Variants in DLGAP2 observed in about 807,000 individuals in gnomAD.
The protein encoded by DLGAP2 is disks large-associated protein 2.
Under a neutral mutation model 100.3 loss-of-function variants are expected in DLGAP2, and 26 were observed. That is an observed-to-expected ratio of 0.26 (90% CI 0.19 to 0.36). The LOEUF is 0.36. DLGAP2 is among the 10% of genes least tolerant of loss of function. DLGAP2 has a pLI of 1.00. For missense variants in DLGAP2, 1,858 were observed against 1,453.2 expected (o/e 1.28, Z -4.53); for synonymous variants, 886 against 630.1 (o/e 1.41, Z -6.08).
chr8:1,010,508 G>A (rs1801249960), intron 2 of DLGAP2, among the ~76,000 whole-genome samples: 1 of 152,194 alleles, frequency 6.6e-6, no homozygotes, highest in Non-Finnish European at 1.5e-5. Context: ...CCACATATGG[G>A]CACACATACG....
chr8:1,294,868 C>CAAAA (rs1167753590), intron 3 of DLGAP2, among the ~76,000 whole-genome samples: 1 of 130,216 alleles, frequency 7.7e-6, no homozygotes. Flanking sequence ...GATCTTGTCT[C>CAAAA]AAAACAAAAA....
chr8:805,048 G>A (rs575916786), intron 1 of DLGAP2, among the ~76,000 whole-genome samples: 22 of 152,188 alleles, frequency 1.4e-4, no homozygotes, highest in Non-Finnish European at 3.2e-4. Context: ...TGGGATTATA[G>A]GCGTGAGCTA....
chr8:1,180,572 G>A (rs186330741), intron 2 of DLGAP2, among the ~76,000 whole-genome samples: 4 of 150,554 alleles, frequency 2.7e-5, no homozygotes, highest in African/African-American at 9.7e-5. Flanking sequence ...CACACATCGT[G>A]TGCAATGGCA....
rs751684188 is a variant in DLGAP2, at chr8:1,676,521, C to T, written c.2203-12C>T. On this transcript the variant is annotated splice_polypyrimidine_tract_variant and intron_variant, in intron 10 of 14. Coordinates refer to ENST00000637795, the MANE Select transcript of DLGAP2 (RefSeq NM_001346810.2). ...TTTCAGTTCTAAAATAAGACGTTCT[C>T]TGTTGAATTAGGTGGAAACGGCCAC... The T allele has an allele frequency of 6.2e-7, 1 of 1,611,220 alleles. No homozygotes were observed. The highest frequency in any genetic ancestry group is 2.2e-5 in the East Asian group (1 of 44,756).
At chr8:1,204,044 C>T (rs1488033528) in intron 2 of DLGAP2, among the ~76,000 whole-genome samples, 2 of 152,238 alleles carry the variant, frequency 1.3e-5, no homozygotes, top group Non-Finnish European at 2.9e-5. Context: ...TTACGAACCA[C>T]CTGAGGATCT....
At chr8:1,487,851 G>C (rs889890129) in intron 3 of DLGAP2, among the ~76,000 whole-genome samples, 1 of 152,150 alleles carries the variant, frequency 6.6e-6, no homozygotes, top group Non-Finnish European at 1.5e-5. Flanking sequence ...CAGGTACGTG[G>C]TGGCCCCTTT....
chr8:960,883 G>T (rs1304313484), intron 2 of DLGAP2, among the ~76,000 whole-genome samples: 1 of 152,214 alleles, frequency 6.6e-6, no homozygotes, highest in Non-Finnish European at 1.5e-5. Context: ...CCAATAAACT[G>T]ATTGTAAACT....
intron 1 of DLGAP2, among the ~76,000 whole-genome samples, chr8:883,845 G>A (rs957789574): frequency 2.6e-5 from 4 of 152,188 alleles, no homozygotes; most frequent in African/African-American, 9.7e-5. Flanking sequence ...CTGTGTCATT[G>A]TGTTCTCATT....
At chr8:1,139,322 G>C (rs1042975088) in intron 2 of DLGAP2, among the ~76,000 whole-genome samples, 3 of 152,212 alleles carry the variant, frequency 2.0e-5, no homozygotes, top group Non-Finnish European at 2.9e-5. Flanking sequence ...GAGGCTGCAG[G>C]GATGCAATAC....
rs547373223 is a variant in DLGAP2, at chr8:1,640,333, GA to G, written c.1810+7289del. On this transcript the variant is annotated intron_variant, in intron 8 of 14. Transcript: ENST00000637795. ...TCAGTGTCAGACCTGCTGCTGAAGG[GA>G]AGCCCAGGCGTGCTGTCCCATGGGT... Among the ~76,000 whole-genome samples, 62 of 128,902 alleles carry G rather than the reference GA, an allele frequency of 4.8e-4. 1 individual carries two copies. The East Asian group carries it at 0.011, about 23-fold the overall frequency. 84.6% of individuals were successfully genotyped at this position (128,902 alleles called of 152,430 possible).
At chr8:759,059 C>CTTCCCATTATCAATACCCCCGACAGCT (rs1820995462) in intron 1 of DLGAP2, among the ~76,000 whole-genome samples, 1 of 142,684 alleles carries the variant, frequency 7.0e-6, no homozygotes, top group African/African-American at 2.5e-5. Context: ...CCCCCACAAC[C>CTTCCCATTATCAATACCCCCGACAGCT]TTCCCATTAT....
chr8:894,400 G>A (rs141784468), intron 1 of DLGAP2, among the ~76,000 whole-genome samples: 90 of 152,172 alleles, frequency 5.9e-4, no homozygotes, highest in African/African-American at 2.1e-3. Flanking sequence ...AGTGATGTGT[G>A]GGTGAAGAGA....
At chr8:870,311 C>T (rs1337315398) in intron 1 of DLGAP2, among the ~76,000 whole-genome samples, 4 of 152,204 alleles carry the variant, frequency 2.6e-5, no homozygotes, top group Non-Finnish European at 4.4e-5. Flanking sequence ...GTCTTCCATG[C>T]TGACCTCTCT....
chr8:1,362,897 C>T lies in DLGAP2; in HGVS notation c.106+104014C>T, dbSNP rs193070886. Among the ~76,000 whole-genome samples, 6 of 152,298 alleles carry T rather than the reference C, an allele frequency of 3.9e-5. No individual in the cohort carries two copies. In the East Asian group the frequency reaches 5.8e-4, roughly 15 times the overall value. On this transcript the variant is annotated intron_variant, in intron 3 of 14. Transcript: ENST00000637795. The stretch of plus-strand genomic sequence containing the variant: ...TCTCTTGTCTTTTCCCTTCTCTTCT[C>T]GTCTTTCCCGTCTGTCTGTCTGTCC...
intron 3 of DLGAP2, among the ~76,000 whole-genome samples, chr8:1,465,280 C>G (rs746233486): frequency 2.6e-4 from 40 of 152,110 alleles, no homozygotes; most frequent in Non-Finnish European, 4.8e-4. Context: ...CTGGGAAGCA[C>G]CCATGTTTGG....
At chr8:1,118,682 G>A (rs1053318245) in intron 2 of DLGAP2, among the ~76,000 whole-genome samples, 1 of 152,150 alleles carries the variant, frequency 6.6e-6, no homozygotes, top group African/African-American at 2.4e-5. Context: ...CAACCTTCAA[G>A]ATCATGACAC....
At chr8:1,446,758 T>G (rs7840524) in intron 3 of DLGAP2, among the ~76,000 whole-genome samples, 33,623 of 152,118 alleles carry the variant, frequency 0.22, 3,944 homozygotes, top group East Asian at 0.33. Flanking sequence ...TGTATCCTCT[T>G]TTATTTCATT....
chr8:1,543,244 T>C (rs192159801), intron 4 of DLGAP2, among the ~76,000 whole-genome samples: 118 of 152,354 alleles, frequency 7.7e-4, no homozygotes, highest in Admixed American at 1.2e-3. Flanking sequence ...TGTGCTTTGG[T>C]GACATGTCTA....
At chr8:1,506,618 G>A (rs148904849) in intron 4 of DLGAP2, among the ~76,000 whole-genome samples, 30 of 152,326 alleles carry the variant, frequency 2.0e-4, no homozygotes, top group Middle Eastern at 3.4e-3. Context: ...GGTTGCCAGT[G>A]CCGGCTCAGG....
Sources: gnomAD v4.1 joint callset for allele counts (sites outside exome capture counted in the v4.1 genomes callset) on GRCh38, gnomAD v4.1.1 for gene constraint, MANE v1.5 for transcripts, NCBI Gene and HGNC (gene_info 2026-07-23, HGNC 2026-07-21) for gene names.